PIK3R1: variants seen among roughly 807,000 people sequenced by gnomAD.
PIK3R1 encodes phosphatidylinositol 3-kinase regulatory subunit alpha.
PIK3R1 carries 29 observed loss-of-function variants against 98.0 expected under a neutral mutation model. The observed-to-expected ratio is 0.30, with a 90% CI of 0.22 to 0.40. The LOEUF (loss-of-function observed/expected upper bound fraction) is 0.40, where lower values mean the gene tolerates loss of function less well. Ranked by LOEUF, PIK3R1 falls within the 10% of genes least tolerant of loss-of-function variation. The probability of loss-of-function intolerance (pLI) is 1.00; values close to 1 mark genes in which losing one functional copy is unlikely to be tolerated. For missense variants in PIK3R1, 596 were observed against 872.7 expected (o/e 0.68, Z 3.99); for synonymous variants, 282 against 311.8 (o/e 0.90, Z 1.01).
rs200936785 is a variant in PIK3R1 at position 68,295,244 on chromosome 5, G to C, written c.1665G>C (p.Glu555Asp). 3.7e-6 allele frequency: 6 copies of C among 1,614,144 alleles called. No homozygotes were observed. In the East Asian group the frequency reaches 8.9e-5, roughly 24 times the overall value. Reference sequence around the variant, plus strand: ...AAGACTTGAAGAAGCAGGCAGCTGAGTATCGAGAAATTGACAAACGTATGA... The same window carrying C: ...AAGACTTGAAGAAGCAGGCAGCTGACTATCGAGAAATTGACAAACGTATGA... The part of the protein sequence containing the change: ...LEEDLKKQAA[E>D]YREIDKRMNS... Residue 555 changes from glutamate to aspartate, a missense_variant, in exon 13 of 16, where the codon GAG (glutamate) becomes GAC (aspartate). Physicochemically the swap from Glu to Asp is conservative, Grantham distance 45 (BLOSUM62 2). Around this residue, in one of 3 missense-constraint regions of PIK3R1, gnomAD observed 207 missense variants for 361.4 expected, o/e 0.57. Coordinates refer to ENST00000521381, the MANE Select transcript of PIK3R1 (RefSeq NM_181523.3).
At chr5:68,268,153 G>T (rs1561282321) in intron 2 of PIK3R1, among the ~76,000 whole-genome samples, 1 of 152,062 alleles carries the variant, frequency 6.6e-6, no homozygotes, top group Non-Finnish European at 1.5e-5. Flanking sequence ...GAATAAATGG[G>T]ATTCAAGTTA....
At chr5:68,225,323 A>G (rs1744232991) in intron 1 of PIK3R1, among the ~76,000 whole-genome samples, 1 of 151,722 alleles carries the variant, frequency 6.6e-6, no homozygotes, top group South Asian at 2.1e-4. Context: ...CGATTGCCAA[A>G]TCCCTAGCAT....
At chr5:68,219,989 A>T (rs1744037209) in intron 1 of PIK3R1, among the ~76,000 whole-genome samples, 1 of 152,226 alleles carries the variant, frequency 6.6e-6, no homozygotes. Flanking sequence ...TGATATATGT[A>T]CAACTCTGAG....
At chr5:68,251,191 T>C (rs1745293390) in intron 2 of PIK3R1, among the ~76,000 whole-genome samples, 1 of 152,152 alleles carries the variant, frequency 6.6e-6, no homozygotes, top group Admixed American at 6.5e-5. Flanking sequence ...TTAGTTACTC[T>C]CACCCTTGTT....
chr5:68,226,019 C>T (rs1744260630), intron 1 of PIK3R1, among the ~76,000 whole-genome samples: 1 of 152,040 alleles, frequency 6.6e-6, no homozygotes, highest in South Asian at 2.1e-4. Flanking sequence ...AGTGTTGTGG[C>T]TCTGTGTACT....
intron 2 of PIK3R1, among the ~76,000 whole-genome samples, chr5:68,232,999 C>T (rs535508620): frequency 3.9e-5 from 6 of 152,244 alleles, no homozygotes; most frequent in African/African-American, 1.4e-4. Context: ...TGTCAGTCTT[C>T]TCTGGTTTCT....
intron 2 of PIK3R1, among the ~76,000 whole-genome samples, chr5:68,271,893 A>G (rs1481297108): frequency 2.0e-5 from 3 of 152,220 alleles, no homozygotes; most frequent in Non-Finnish European, 4.4e-5. Context: ...AAATTTAATA[A>G]CATTACTTTC....
At chr5:68,216,314 C>T (rs1743879004) in intron 1 of PIK3R1, among the ~76,000 whole-genome samples, 1 of 152,244 alleles carries the variant, frequency 6.6e-6, no homozygotes, top group African/African-American at 2.4e-5. Context: ...CCCGCTGTCG[C>T]CTTGCTGCAG....
intron 2 of PIK3R1, among the ~76,000 whole-genome samples, chr5:68,259,831 C>CA (rs1366085883): frequency 6.6e-6 from 1 of 152,136 alleles, no homozygotes; most frequent in Non-Finnish European, 1.5e-5. Context: ...GGATGACACT[C>CA]AGTTAGTACA....
At chr5:68,217,647 T>TGGGG in intron 1 of PIK3R1, 1 of 136,174 alleles carries the variant, frequency 7.3e-6, no homozygotes, top group African/African-American at 3.1e-5. Flanking sequence ...TGTGTGTGTG[T>TGGGG]GTGTGTGCGC....
intron 7 of PIK3R1, among the ~76,000 whole-genome samples, chr5:68,285,836 G>A (rs1747056005): frequency 6.6e-6 from 1 of 152,160 alleles, no homozygotes; most frequent in African/African-American, 2.4e-5. Context: ...TGTCAGTTAA[G>A]ACCAGTGGAT....
At chr5:68,295,374 A>C in intron 13 of PIK3R1, 46 bp from the exon 14 acceptor site, 1 of 1,613,042 alleles carries the variant, frequency 6.2e-7, no homozygotes, top group South Asian at 1.1e-5. Context: ...TGATTGCTAC[A>C]ATTCAGGATG....
At position 68,294,617 on chromosome 5, in the gene PIK3R1, C is replaced by T. The variant is rs759347287; in HGVS notation, c.1507C>T (p.Arg503Trp). The change falls in exon 12 of 16, where the codon CGG (arginine) becomes TGG (tryptophan). Residue 503 changes from arginine (R) to tryptophan (W), a missense_variant. Arg to Trp is a moderately radical substitution (Grantham distance 101). Coordinates refer to ENST00000521381, the MANE Select transcript of PIK3R1 (RefSeq NM_181523.3). ...TGAAGAACAGTGCCAGACCCAAGAG[C>T]GGTACAGCAAAGAATACATAGAAAA... is the stretch of plus-strand genomic sequence containing the variant. ...IFEEQCQTQE[R>W]YSKEYIEKFK... 2.5e-6 allele frequency: 4 copies of T among 1,611,262 alleles called. No homozygotes were observed. Among genetic ancestry groups the T allele is most frequent in the Non-Finnish European group, 3.4e-6 (4 of 1,178,292 alleles).
At chr5:68,248,445 C>T (rs868791665) in intron 2 of PIK3R1, among the ~76,000 whole-genome samples, 2 of 152,182 alleles carry the variant, frequency 1.3e-5, no homozygotes, top group South Asian at 2.1e-4. Context: ...ATCTAAACAC[C>T]CTTCAATTCT....
At chr5:68,288,816 T>C (rs1011561435) in intron 7 of PIK3R1, 2 of 1,547,884 alleles carry the variant, frequency 1.3e-6, no homozygotes, top group African/African-American at 2.7e-5. Flanking sequence ...CTGTAGTTTG[T>C]CTTGGAGTAC....
intron 2 of PIK3R1, among the ~76,000 whole-genome samples, chr5:68,233,161 T>C (rs149591779): frequency 3.9e-5 from 6 of 152,372 alleles, no homozygotes; most frequent in Admixed American, 2.0e-4. Context: ...ATTTTTTACC[T>C]ATGGCAAATA....
At chr5:68,222,084 A>G (rs78069406) in intron 1 of PIK3R1, among the ~76,000 whole-genome samples, 27 of 152,386 alleles carry the variant, frequency 1.8e-4, no homozygotes, top group African/African-American at 6.5e-4. Context: ...TGTTATCTAC[A>G]TATAAAAAGC....
chr5:68,226,231 A>G (rs998356726), intron 1 of PIK3R1, 59 bp from the exon 2 acceptor site: 5 of 400,078 alleles, frequency 1.2e-5, no homozygotes, highest in Non-Finnish European at 2.2e-5. Flanking sequence ...AGAAATTCCA[A>G]TTAACACAGA....
At chr5:68,256,583 T>G (rs1745526206) in intron 2 of PIK3R1, among the ~76,000 whole-genome samples, 1 of 152,198 alleles carries the variant, frequency 6.6e-6, no homozygotes, top group Non-Finnish European at 1.5e-5. Context: ...ATTGCTGTAC[T>G]TCTTTTCTGT....
Sources: allele counts gnomAD v4.1 joint callset (sites outside exome capture counted in the v4.1 genomes callset), GRCh38; gene constraint gnomAD v4.1.1; regional missense constraint gnomAD v4.1.1; transcripts MANE v1.5; gene names NCBI Gene and HGNC (gene_info 2026-07-23, HGNC 2026-07-21).